Variants in STRIP1 observed in about 807,000 individuals in gnomAD.
The protein encoded by STRIP1 is striatin-interacting protein 1.
STRIP1 carries 63 observed loss-of-function variants against 106.2 expected under a neutral mutation model. The observed-to-expected ratio is 0.59, with a 90% CI of 0.48 to 0.73. The LOEUF (loss-of-function observed/expected upper bound fraction) is 0.73, where lower values mean the gene tolerates loss of function less well. STRIP1 is among the 30% of genes least tolerant of loss of function. The probability of loss-of-function intolerance (pLI) is 0.00; values close to 1 mark genes in which losing one functional copy is unlikely to be tolerated. For synonymous variants in STRIP1, 390 were observed against 413.0 expected, an observed-to-expected ratio of 0.94 and a Z score of 0.67; for missense variants, 857 against 1,074.8, an observed-to-expected ratio of 0.80 and a Z score of 2.83.
rs780985289 is a variant in STRIP1, at chr1:110,049,215, T to G, written c.1765T>G (p.Phe589Val). The change falls in exon 16 of 21, where the codon TTT becomes GTT. Residue 589 changes from phenylalanine to valine, a missense_variant. Phe to Val is a conservative substitution (Grantham distance 50, BLOSUM62 -1). Around this residue, in one of 2 missense-constraint regions of STRIP1, gnomAD observed 750 missense variants for 989.8 expected, o/e 0.76. Coordinates refer to ENST00000369795, the MANE Select transcript of STRIP1 (RefSeq NM_033088.4). ...TGTCCTGCTGCTGCTGCTCAAGCAC[T>G]TTAAGTTGAACCATGTCTACCAGGT... ...SAVLLLLLKH[F>V]KLNHVYQFEY... 18 of 1,614,064 alleles carry G rather than the reference T, an allele frequency of 1.1e-5. No homozygotes were observed. The highest frequency in any genetic ancestry group is 1.4e-5 in the Non-Finnish European group (17 of 1,180,046).
intron 8 of STRIP1, among the ~76,000 whole-genome samples, chr1:110,042,418 T>C (rs1652807781): frequency 6.6e-6 from 1 of 152,074 alleles, no homozygotes; most frequent in African/African-American, 2.4e-5. Context: ...GGGGAGGCGG[T>C]GGAGGTGAGT....
chr1:110,034,782 C>A lies in STRIP1; in HGVS notation c.145C>A (p.Arg49Ser). 4 of 1,428,332 alleles carry A rather than the reference C, an allele frequency of 2.8e-6. No individual in the cohort carries two copies. Among genetic ancestry groups the A allele is most frequent in the Non-Finnish European group, 3.6e-6 (4 of 1,097,090 alleles). 88.5% of individuals were successfully genotyped at this position (1,428,332 alleles called of 1,614,324 possible). The change falls in exon 1 of 21, where the codon CGC becomes AGC. Residue 49 changes from arginine (R) to serine (S), a missense_variant. This residue lies in a region of STRIP1 where 107 missense variants were observed against 85.1 expected (regional missense o/e 1.26). Coordinates refer to ENST00000369795, the MANE Select transcript of STRIP1 (RefSeq NM_033088.4). The stretch of plus-strand genomic sequence containing the variant: ...GGGCCTCCTGCCTGGGGGCAAAGCC[C>A]GCGAGTTCAACCGCAACCAGCGCAA... ...AAGLLPGGKA[R>S]EFNRNQRKDS... is the part of the protein sequence containing the mutation.
chr1:110,047,695 C>T (rs1653094761), intron 14 of STRIP1, 77 bp from the exon 15 acceptor site: 1 of 1,538,570 alleles, frequency 6.5e-7, no homozygotes, highest in African/African-American at 1.4e-5. Context: ...CACCTGCAGA[C>T]CAACAGGAGG....
chr1:110,046,949 C>T (rs544716644), intron 13 of STRIP1, among the ~76,000 whole-genome samples, 198 bp downstream of exon 13: 17 of 152,184 alleles, frequency 1.1e-4, no homozygotes, highest in African/African-American at 4.1e-4. Flanking sequence ...ATTCAGGAGG[C>T]TGAGGCAGAA....
intron 3 of STRIP1, 126 bp from the exon 4 acceptor site, chr1:110,039,046 C>T (rs1393679036): frequency 4.6e-6 from 5 of 1,081,338 alleles, no homozygotes; most frequent in Non-Finnish European, 6.7e-6. Flanking sequence ...ATGATCTTAC[C>T]ACTTACATAG....
At chr1:110,050,245 G>A (rs1180007705) in intron 17 of STRIP1, 98 bp from the exon 18 acceptor site, 1 of 1,168,228 alleles carries the variant, frequency 8.6e-7, no homozygotes, top group African/African-American at 1.5e-5. Context: ...GCTCCAACAA[G>A]TGAGGGAGGA....
chr1:110,039,469 G>T lies in STRIP1; in HGVS notation c.535G>T (p.Val179Leu). Residue 179 changes from valine (V) to leucine (L), a missense_variant, in exon 5 of 21, where the codon GTG becomes TTG. By Grantham distance (32) the Val-to-Leu change is conservative. Transcript: ENST00000369795. Reference sequence around the variant, plus strand: ...CTACAACATCTTTCTCCTCCTGGAGGTGGGCACGTTCAATGCTTTGGTGGA... The same window carrying T: ...CTACAACATCTTTCTCCTCCTGGAGTTGGGCACGTTCAATGCTTTGGTGGA... ...MRYNIFLLLEVGTFNALVELL... is the reference protein window; with the variant it reads ...MRYNIFLLLELGTFNALVELL... The T allele has an allele frequency of 6.2e-7, 1 of 1,611,896 alleles. No individual in the cohort carries two copies. The highest frequency in any genetic ancestry group is 8.5e-7 in the Non-Finnish European group (1 of 1,179,112).
chr1:110,041,618 C>A lies in STRIP1; in HGVS notation c.733C>A (p.Arg245=). 3 of 1,614,026 alleles carry A rather than the reference C, an allele frequency of 1.9e-6. No homozygotes were observed. Among genetic ancestry groups the A allele is most frequent in the Non-Finnish European group, 2.5e-6 (3 of 1,179,950 alleles). The change falls in exon 7 of 21, where the codon CGG becomes AGG. Residue 245 remains arginine, a synonymous_variant. Transcript: ENST00000369795. ...TGACAAGGCTGAGTGGAGGACCATG[C>A]GGCAGACCTTCAGAGCCGAGCTGGG... is the stretch of plus-strand genomic sequence containing the variant. The part of the protein sequence containing the change: ...EGDKAEWRTM[R]QTFRAELGSP...
rs1179260976 is a variant in STRIP1, at chr1:110,034,732, C to T, written c.95C>T (p.Pro32Leu). The T allele has an allele frequency of 4.0e-6, 6 of 1,482,710 alleles. No homozygotes were observed. Among genetic ancestry groups the T allele is most frequent in the Middle Eastern group, 2.3e-4 (1 of 4,280 alleles). 91.8% of individuals were successfully genotyped at this position (1,482,710 alleles called of 1,614,324 possible). Reference sequence around the variant, plus strand: ...CCGCCGCCGGCAGCCGCACAGCCACCACCCGGGGCACCGCGGGCCGCCGCG... The same window carrying T: ...CCGCCGCCGGCAGCCGCACAGCCACTACCCGGGGCACCGCGGGCCGCCGCG... ...PPPPPAAAQPPPGAPRAAAGL... is the reference protein window; with the variant it reads ...PPPPPAAAQPLPGAPRAAAGL... The change falls in exon 1 of 21, where the codon CCA becomes CTA. Residue 32 changes from proline (P) to leucine (L), a missense_variant. By Grantham distance (98) the Pro-to-Leu change is moderately conservative. Transcript: ENST00000369795.
At chr1:110,050,241 A>C in intron 17 of STRIP1, 102 bp from the exon 18 acceptor site, 1 of 1,128,952 alleles carries the variant, frequency 8.9e-7, no homozygotes, top group Non-Finnish European at 1.3e-6. Flanking sequence ...TTCTGCTCCA[A>C]CAAGTGAGGG....
intron 18 of STRIP1, 93 bp downstream of exon 18, chr1:110,050,502 C>A: frequency 8.2e-7 from 1 of 1,223,258 alleles, no homozygotes. Flanking sequence ...ATAGAGGTGT[C>A]TCCCGCAGGT....
chr1:110,034,711 C>A lies in STRIP1; in HGVS notation c.74C>A (p.Pro25Gln), dbSNP rs1316204874. ...CAGCCCCAGCCCCCGCCACCTCCGC[C>A]GCCGGCAGCCGCACAGCCACCACCC... ...NKQPQPPPPP[P>Q]PAAAQPPPGA... Residue 25 changes from proline (P) to glutamine (Q), a missense_variant, in exon 1 of 21, where the codon CCG becomes CAG. Pro to Gln is a moderately conservative substitution (Grantham distance 76, BLOSUM62 -1). Coordinates refer to ENST00000369795, the MANE Select transcript of STRIP1 (RefSeq NM_033088.4). 1.8e-5 allele frequency: 27 copies of A among 1,508,830 alleles called. No individual in the cohort carries two copies. Among genetic ancestry groups the A allele is most frequent in the Admixed American group, 4.5e-5 (2 of 44,676 alleles). 93.5% of individuals were successfully genotyped at this position (1,508,830 alleles called of 1,614,324 possible). A position where few individuals can be genotyped will look rare whatever the true frequency, so the allele number is the denominator to read the frequency against.
At chr1:110,046,116 C>T (rs927053174) in intron 12 of STRIP1, among the ~76,000 whole-genome samples, 1 of 152,214 alleles carries the variant, frequency 6.6e-6, no homozygotes, top group African/African-American at 2.4e-5. Flanking sequence ...CTGTAGCTAT[C>T]TGAAAGGCCA....
Position 110,034,685 on chromosome 1 carries a change from A to G in STRIP1, c.48A>G (p.Lys16=). Residue 16 remains lysine, a synonymous_variant, in exon 1 of 21, where the codon AAA becomes AAG. Transcript: ENST00000369795. ...CGGGCCCACTGATCGTGAACAACAAACAGCCCCAGCCCCCGCCACCTCCGC... is the reference window on the plus strand; with the variant it reads ...CGGGCCCACTGATCGTGAACAACAAGCAGCCCCAGCCCCCGCCACCTCCGC... ...GGPGPLIVNN[K]QPQPPPPPPP... The G allele has an allele frequency of 6.6e-7, 1 of 1,523,738 alleles. No individual in the cohort carries two copies. Among genetic ancestry groups the G allele is most frequent in the Non-Finnish European group, 8.8e-7 (1 of 1,136,902 alleles). 94.4% of individuals were successfully genotyped at this position (1,523,738 alleles called of 1,614,324 possible). A position where few individuals can be genotyped will look rare whatever the true frequency, so the allele number is the denominator to read the frequency against.
chr1:110,040,173 G>GTT (rs767268210), intron 5 of STRIP1, among the ~76,000 whole-genome samples: 3 of 151,762 alleles, frequency 2.0e-5, no homozygotes, highest in African/African-American at 7.3e-5. Context: ...TTGTTTTTGT[G>GTT]TTTTTTTTGT....
chr1:110,043,371 G>T, intron 9 of STRIP1, 101 bp downstream of exon 9: 1 of 1,265,114 alleles, frequency 7.9e-7, no homozygotes, highest in South Asian at 1.3e-5. Context: ...AATGATCTCT[G>T]ATCAGCCAGT....
intron 12 of STRIP1, 131 bp from the exon 13 acceptor site, chr1:110,046,549 T>C: frequency 1.3e-6 from 1 of 757,108 alleles, no homozygotes; most frequent in Admixed American, 2.2e-5. Context: ...TAGCTAGGGA[T>C]TTTTGTGGTG....
Position 110,044,823 on chromosome 1 carries a change from T to G in STRIP1, c.1287-17T>G, listed in dbSNP as rs750479863. On this transcript the variant is annotated splice_polypyrimidine_tract_variant and intron_variant, in intron 10 of 20. Coordinates refer to ENST00000369795, the MANE Select transcript of STRIP1 (RefSeq NM_033088.4). ...TAAAAACCTTTTTTCTTTCTCTCTT[T>G]TTTGGTGATGTGGCAGAGAGAAAGA... The G allele has an allele frequency of 1.8e-5, 29 of 1,613,690 alleles. No individual in the cohort carries two copies. The highest frequency in any genetic ancestry group is 2.5e-5 in the Non-Finnish European group (29 of 1,179,672).
chr1:110,049,817 C>A, intron 17 of STRIP1: 1 of 445,442 alleles, frequency 2.2e-6, no homozygotes. Flanking sequence ...TAGTACTTTC[C>A]TCCCTGTCCC....
Sources: allele counts gnomAD v4.1 joint callset (sites outside exome capture counted in the v4.1 genomes callset), GRCh38; gene constraint gnomAD v4.1.1; regional missense constraint gnomAD v4.1.1; transcripts MANE v1.5; gene names NCBI Gene and HGNC (gene_info 2026-07-23, HGNC 2026-07-21).